PXDNL: variants seen among roughly 807,000 people sequenced by gnomAD.
PXDNL encodes the protein probable oxidoreductase PXDNL.
Under a neutral mutation model 150.8 loss-of-function variants are expected in PXDNL, and 145 were observed. That is an observed-to-expected ratio of 0.96 (90% CI 0.84 to 1.10). The LOEUF (loss-of-function observed/expected upper bound fraction) is 1.10. PXDNL is among the 50% of genes least tolerant of loss of function. The pLI is 0.00. For missense variants in PXDNL, 2,087 were observed against 1,873.9 expected, an observed-to-expected ratio of 1.11 and a Z score of -2.10; for synonymous variants, 757 against 725.7, an observed-to-expected ratio of 1.04 and a Z score of -0.69.
chr8:51,578,580 TA>T (rs1055505960), intron 3 of PXDNL, among the ~76,000 whole-genome samples: 8 of 151,820 alleles, frequency 5.3e-5, no homozygotes. Context: ...AAACAATCTA[TA>T]AAAATTCAAG....
At chr8:51,743,677 C>T (rs527707677) in intron 1 of PXDNL, among the ~76,000 whole-genome samples, 7 of 152,044 alleles carry the variant, frequency 4.6e-5, no homozygotes, top group East Asian at 1.9e-4. Flanking sequence ...CCACCATGCC[C>T]GGGCAATTTT....
At chr8:51,577,283 A>G (rs1236417609) in intron 3 of PXDNL, among the ~76,000 whole-genome samples, 1 of 151,770 alleles carries the variant, frequency 6.6e-6, no homozygotes, top group African/African-American at 2.4e-5. Flanking sequence ...AATATATTTA[A>G]GAATTATACT....
At chr8:51,694,870 T>C (rs1368536828) in intron 1 of PXDNL, among the ~76,000 whole-genome samples, 1 of 152,232 alleles carries the variant, frequency 6.6e-6, no homozygotes, top group Non-Finnish European at 1.5e-5. Context: ...AATCTTATGA[T>C]GTTTTATGGT....
intron 2 of PXDNL, among the ~76,000 whole-genome samples, chr8:51,600,380 C>T (rs977364169): frequency 8.5e-6 from 1 of 117,256 alleles, no homozygotes; most frequent in African/African-American, 3.3e-5. Flanking sequence ...TAAATTATAT[C>T]GTTTAGATAA....
chr8:51,655,353 T>G (rs914189276), intron 1 of PXDNL, among the ~76,000 whole-genome samples: 1 of 152,194 alleles, frequency 6.6e-6, no homozygotes, highest in Non-Finnish European at 1.5e-5. Context: ...GTCAGCTATG[T>G]GCCACCTATC....
chr8:51,437,947 G>A (rs1809445888), intron 12 of PXDNL, among the ~76,000 whole-genome samples: 1 of 152,106 alleles, frequency 6.6e-6, no homozygotes, highest in Admixed American at 6.5e-5. Context: ...ACTGATAAAT[G>A]TATTCAGCAA....
rs1167537518 is a variant in PXDNL, at chr8:51,408,667, G to A, written c.2957C>T (p.Ser986Phe). 6.2e-7 allele frequency: 1 copy of A among 1,602,890 alleles called. No homozygotes were observed. ...TCCCTCCCAGTGGGGGTTCAGGGCGGACAGCTCCGTGGCCATCCTGTTGTG... is the reference window on the plus strand; with the variant it reads ...TCCCTCCCAGTGGGGGTTCAGGGCGAACAGCTCCGTGGCCATCCTGTTGTG... ...REHNRMATELSALNPHWEGNT... is the reference protein window; with the variant it reads ...REHNRMATELFALNPHWEGNT... Residue 986 changes from serine (S) to phenylalanine (F), a missense_variant, in exon 17 of 23, where the codon TCC (serine) becomes TTC (phenylalanine). Physicochemically the swap from Ser to Phe is radical, Grantham distance 155. Transcript: ENST00000356297.
chr8:51,731,892 A>AT (rs924128863), intron 1 of PXDNL, among the ~76,000 whole-genome samples: 3 of 151,788 alleles, frequency 2.0e-5, no homozygotes, highest in African/African-American at 4.8e-5. Flanking sequence ...GCCCGGAACC[A>AT]TTTTTTTTCC....
At chr8:51,385,772 T>G (rs986825872) in intron 17 of PXDNL, among the ~76,000 whole-genome samples, 1 of 152,168 alleles carries the variant, frequency 6.6e-6, no homozygotes, top group South Asian at 2.1e-4. Context: ...ACTGTTCTCC[T>G]GGTACTGAGT....
intron 1 of PXDNL, among the ~76,000 whole-genome samples, chr8:51,807,269 G>C (rs28671127): frequency 0.2 from 30,519 of 152,066 alleles, 4,833 homozygotes; most frequent in African/African-American, 0.43. Context: ...GAAGGCAAAG[G>C]GGGAGTGAGA....
chr8:51,555,643 T>C (rs1234838100), intron 4 of PXDNL, among the ~76,000 whole-genome samples: 1 of 152,146 alleles, frequency 6.6e-6, no homozygotes, highest in African/African-American at 2.4e-5. Flanking sequence ...AATTTCAGGA[T>C]CAAAAGCTTC....
chr8:51,356,835 C>T (rs1360188664), intron 19 of PXDNL, among the ~76,000 whole-genome samples: 1 of 152,110 alleles, frequency 6.6e-6, no homozygotes, highest in Non-Finnish European at 1.5e-5. Flanking sequence ...CCAGCTACGC[C>T]TCTGTCGGAG....
At chr8:51,390,216 T>TA (rs1393529466) in intron 17 of PXDNL, among the ~76,000 whole-genome samples, 4 of 152,210 alleles carry the variant, frequency 2.6e-5, no homozygotes, top group Non-Finnish European at 5.9e-5. Context: ...ATTCACTCTT[T>TA]AAAAACATTC....
In PXDNL at chr8:51,408,307, C is replaced by A. The variant is rs1436822277; in HGVS notation, c.3317G>T (p.Gly1106Val). 8 of 1,613,836 alleles carry A rather than the reference C, an allele frequency of 5.0e-6. No homozygotes were observed. The highest frequency in any genetic ancestry group is 1.6e-4 in the Middle Eastern group (1 of 6,084). ...GGGTGCCCGCCATTTAGCAGCCACGCCAAACAGCCCCCGGAGAACCGGGTC... is the reference window on the plus strand; with the variant it reads ...GGGTGCCCGCCATTTAGCAGCCACGACAAACAGCCCCCGGAGAACCGGGTC... ...GIDPVLRGLF[G>V]VAAKWRAPSY... is the part of the protein sequence containing the mutation. Residue 1106 changes from glycine to valine, a missense_variant, in exon 17 of 23, where the codon GGC (glycine) becomes GTC (valine). Physicochemically the swap from Gly to Val is moderately radical, Grantham distance 109 (BLOSUM62 -3). Transcript: ENST00000356297.
At chr8:51,356,013 G>A (rs1291295942) in intron 19 of PXDNL, among the ~76,000 whole-genome samples, 1 of 152,336 alleles carries the variant, frequency 6.6e-6, no homozygotes, top group Admixed American at 6.5e-5. Context: ...ATGGTGGGGT[G>A]AGGAAAACAA....
In PXDNL at chr8:51,409,033, C is replaced by G. The variant is rs1808534837; in HGVS notation, c.2591G>C (p.Arg864Pro). 4.3e-6 allele frequency: 7 copies of G among 1,610,214 alleles called. No homozygotes were observed. The South Asian group carries it at 7.7e-5, about 18-fold the overall frequency. ...GTHAPCMLFA[R>P]SSPACASGRP... ...GCCGCTGGCACACGCGGGGCTGGAG[C>G]GCGCGAAGAGCATGCAGGGCGCGTG... The change falls in exon 17 of 23, where the codon CGC becomes CCC. Residue 864 changes from arginine (R) to proline (P), a missense_variant. Arg to Pro is a moderately radical substitution (Grantham distance 103, BLOSUM62 -2). Coordinates refer to ENST00000356297, the MANE Select transcript of PXDNL (RefSeq NM_144651.5).
chr8:51,553,796 G>T (rs966595608), intron 4 of PXDNL, among the ~76,000 whole-genome samples: 2 of 137,160 alleles, frequency 1.5e-5, no homozygotes, highest in East Asian at 2.2e-4. Context: ...TATAAATCTC[G>T]GCATGTTACT....
chr8:51,765,880 AT>A (rs1221363663), intron 1 of PXDNL, among the ~76,000 whole-genome samples: 1 of 148,190 alleles, frequency 6.7e-6, no homozygotes, highest in Non-Finnish European at 1.5e-5. Flanking sequence ...GTCTCACTCT[AT>A]CCCCCAGGCT....
At chr8:51,676,279 T>G (rs1478410072) in intron 1 of PXDNL, among the ~76,000 whole-genome samples, 1 of 151,452 alleles carries the variant, frequency 6.6e-6, no homozygotes, top group African/African-American at 2.5e-5. Flanking sequence ...CCAGGATGTA[T>G]TCACTTTTTT....
Sources: gnomAD v4.1 joint callset for allele counts (sites outside exome capture counted in the v4.1 genomes callset) on GRCh38, gnomAD v4.1.1 for gene constraint, MANE v1.5 for transcripts, NCBI Gene and HGNC (gene_info 2026-07-23, HGNC 2026-07-21) for gene names.